SLC4A4: variants seen among roughly 807,000 people sequenced by gnomAD.
SLC4A4 encodes the protein solute carrier family 4 member 4, also known as electrogenic sodium bicarbonate cotransporter 1.
A neutral mutation model predicts 111.5 loss-of-function variants in SLC4A4; 27 were observed. The ratio of observed to expected loss-of-function variants is 0.24; its 90% CI spans 0.18 to 0.33. SLC4A4 has a LOEUF of 0.33. Among genes scored for constraint, SLC4A4 ranks in the 10% least tolerant of loss-of-function variants. The probability of loss-of-function intolerance (pLI) is 1.00; values close to 1 mark genes in which losing one functional copy is unlikely to be tolerated. For synonymous variants in SLC4A4, 443 were observed against 463.4 expected, an observed-to-expected ratio of 0.96 and a Z score of 0.57; for missense variants, 909 against 1,315.5, an observed-to-expected ratio of 0.69 and a Z score of 4.78.
intron 3 of SLC4A4, among the ~76,000 whole-genome samples, chr4:71,335,124 A>G (rs1391000812): frequency 6.6e-6 from 1 of 152,126 alleles, no homozygotes; most frequent in African/African-American, 2.4e-5. Flanking sequence ...TACTATTCTT[A>G]TTACCTAGGT....
chr4:71,358,642 G>A (rs1419164942), intron 6 of SLC4A4, among the ~76,000 whole-genome samples: 1 of 151,952 alleles, frequency 6.6e-6, no homozygotes, highest in African/African-American at 2.4e-5. Context: ...ACAGTTTGAT[G>A]GTTCTACTGT....
At chr4:71,121,948 G>A (rs1163465047) in intron 2 of SLC4A4, among the ~76,000 whole-genome samples, 5 of 151,966 alleles carry the variant, frequency 3.3e-5, no homozygotes, top group Non-Finnish European at 7.4e-5. Context: ...AACTCCGGAC[G>A]GGAGGAATGA....
rs558030435 is a variant in SLC4A4, at chr4:71,518,528, G to A, written c.2167-13534G>A. Among the ~76,000 whole-genome samples, 5 of 152,144 alleles carry A rather than the reference G, an allele frequency of 3.3e-5. No homozygotes were observed. In the East Asian group the frequency reaches 5.8e-4, roughly 18 times the overall value. On this transcript the variant is annotated intron_variant, in intron 16 of 25. Coordinates refer to ENST00000264485, the MANE Select transcript of SLC4A4 (RefSeq NM_001098484.3). The stretch of plus-strand genomic sequence containing the variant: ...TCTACACTAGTCTGGAACCTGGGGT[G>A]GGCCTGGAGCCTGAGGCCACAGGGG...
chr4:71,522,862 C>A (rs1733078130), intron 16 of SLC4A4, among the ~76,000 whole-genome samples: 1 of 152,148 alleles, frequency 6.6e-6, no homozygotes, highest in African/African-American at 2.4e-5. Context: ...TGTGGCGCTT[C>A]AGAAACTTTA....
chr4:71,396,527 C>T (rs1186234572), intron 6 of SLC4A4, among the ~76,000 whole-genome samples: 1 of 152,164 alleles, frequency 6.6e-6, no homozygotes. Context: ...CAACCCTTGT[C>T]CTCTTGCTGT....
intron 2 of SLC4A4, among the ~76,000 whole-genome samples, chr4:71,237,386 GTTA>G (rs1719885428): frequency 6.6e-6 from 1 of 152,206 alleles, no homozygotes; most frequent in East Asian, 1.9e-4. Context: ...ACAGATATAT[GTTA>G]TTATTCATAT....
At chr4:71,492,545 C>T (rs1248612765) in intron 15 of SLC4A4, among the ~76,000 whole-genome samples, 1 of 151,938 alleles carries the variant, frequency 6.6e-6, no homozygotes, top group Non-Finnish European at 1.5e-5. Context: ...CAATCTGCTT[C>T]AGCCCATCTG....
At chr4:71,442,198 C>T (rs551752623) in intron 8 of SLC4A4, among the ~76,000 whole-genome samples, 8 of 152,222 alleles carry the variant, frequency 5.3e-5, no homozygotes, top group Non-Finnish European at 7.4e-5. Context: ...TAACAAAATA[C>T]GCATTCATTG....
intron 15 of SLC4A4, among the ~76,000 whole-genome samples, chr4:71,491,039 A>T (rs199686649): frequency 1.0e-4 from 4 of 38,370 alleles, no homozygotes; most frequent in Non-Finnish European, 6.0e-4. Context: ...TATGATTTTT[A>T]TAGGGTATCT....
At position 71,462,378 on chromosome 4, in the gene SLC4A4, A is replaced by C. The variant is rs2149093188; in HGVS notation, c.1498-4066A>C. On this transcript the variant is annotated intron_variant, in intron 12 of 25. Coordinates refer to ENST00000264485, the MANE Select transcript of SLC4A4 (RefSeq NM_001098484.3). ...ATGCTCTTTGTGCTGAGCCACCTGGAAGAGACCTTAGAGATTATCCAGTCC... is the reference window on the plus strand; with the variant it reads ...ATGCTCTTTGTGCTGAGCCACCTGGCAGAGACCTTAGAGATTATCCAGTCC... 1.3e-5 allele frequency among the ~76,000 whole-genome samples: 2 copies of C among 151,602 alleles called. 1 individual carries two copies. The highest frequency in any genetic ancestry group is 4.8e-5 in the African/African-American group (2 of 41,374).
At chr4:71,540,013 T>C (rs1263391632) in intron 18 of SLC4A4, among the ~76,000 whole-genome samples, 1 of 152,222 alleles carries the variant, frequency 6.6e-6, no homozygotes, top group African/African-American at 2.4e-5. Flanking sequence ...GAATTTACTG[T>C]AGACATAGTT....
chr4:71,186,244 G>A (rs547689834), upstream of SLC4A4, among the ~76,000 whole-genome samples: 8 of 152,300 alleles, frequency 5.3e-5, no homozygotes, highest in African/African-American at 1.9e-4. Flanking sequence ...AGACAGAAAG[G>A]CATCAGTGAC....
At chr4:71,243,305 A>G (rs1456736736) in intron 2 of SLC4A4, among the ~76,000 whole-genome samples, 2 of 152,174 alleles carry the variant, frequency 1.3e-5, no homozygotes, top group Middle Eastern at 3.2e-3. Flanking sequence ...CCATTATGTA[A>G]TTTAGGTGCC....
At chr4:71,218,754 C>A (rs746736087) in intron 1 of SLC4A4, among the ~76,000 whole-genome samples, 1 of 152,028 alleles carries the variant, frequency 6.6e-6, no homozygotes, top group African/African-American at 2.4e-5. Context: ...GACGAGTAGT[C>A]AAGCTTAAAT....
chr4:71,399,397 C>T (rs922205864), intron 7 of SLC4A4, among the ~76,000 whole-genome samples: 4 of 151,618 alleles, frequency 2.6e-5, no homozygotes, highest in African/African-American at 7.3e-5. Context: ...CTAGAAAGTA[C>T]GGGAAGGGTG....
chr4:71,417,157 G>C (rs1314152206), intron 7 of SLC4A4, among the ~76,000 whole-genome samples: 9 of 152,166 alleles, frequency 5.9e-5, no homozygotes, highest in African/African-American at 2.2e-4. Context: ...TTATTGCAAG[G>C]CCTTGGCTTT....
At chr4:71,244,419 T>G (rs984914807) in intron 2 of SLC4A4, among the ~76,000 whole-genome samples, 1 of 152,224 alleles carries the variant, frequency 6.6e-6, no homozygotes, top group Non-Finnish European at 1.5e-5. Flanking sequence ...GGATAATACC[T>G]GAAAAATACC....
At chr4:71,536,457 C>T (rs374561463) in intron 18 of SLC4A4, among the ~76,000 whole-genome samples, 38 of 31,396 alleles carry the variant, frequency 1.2e-3, no homozygotes, top group East Asian at 2.0e-3. Flanking sequence ...TACATATATA[C>T]ATATATACAT....
At chr4:71,544,724 C>T (rs1164706914) in intron 18 of SLC4A4, among the ~76,000 whole-genome samples, 1 of 152,204 alleles carries the variant, frequency 6.6e-6, no homozygotes, top group South Asian at 2.1e-4. Flanking sequence ...TCAAACCCTC[C>T]AGTGGTTTCC....
Sources: allele counts gnomAD v4.1 joint callset (sites outside exome capture counted in the v4.1 genomes callset), GRCh38; gene constraint gnomAD v4.1.1; transcripts MANE v1.5; gene names NCBI Gene and HGNC (gene_info 2026-07-23, HGNC 2026-07-21).